PARD3B: variants seen among roughly 807,000 people sequenced by gnomAD.
The protein encoded by PARD3B is partitioning defective 3 homolog B.
A neutral mutation model predicts 130.2 loss-of-function variants in PARD3B; 103 were observed. The observed-to-expected ratio is 0.79, with a 90% CI of 0.67 to 0.93. The LOEUF (loss-of-function observed/expected upper bound fraction) is 0.93, where lower values mean the gene tolerates loss of function less well. Ranked by LOEUF, PARD3B falls within the 40% of genes least tolerant of loss-of-function variation. PARD3B has a pLI of 0.00. For synonymous variants in PARD3B, 583 were observed against 553.2 expected (o/e 1.05, Z -0.76); for missense variants, 1,609 against 1,499.2 (o/e 1.07, Z -1.21).
At chr2:205,081,685 G>A (rs1701417020) in intron 4 of PARD3B, among the ~76,000 whole-genome samples, 1 of 151,990 alleles carries the variant, frequency 6.6e-6, no homozygotes, top group Non-Finnish European at 1.5e-5. Context: ...AACTACATTA[G>A]TGAATTTTTG....
At chr2:204,914,665 C>T (rs929100088) in intron 2 of PARD3B, among the ~76,000 whole-genome samples, 3 of 152,110 alleles carry the variant, frequency 2.0e-5, no homozygotes. Flanking sequence ...GCCCTCAATC[C>T]AGCCTGAAGA....
At chr2:205,613,620 G>A (rs2105800162) in intron 22 of PARD3B, among the ~76,000 whole-genome samples, 1 of 152,282 alleles carries the variant, frequency 6.6e-6, no homozygotes, top group East Asian at 1.9e-4. Flanking sequence ...AATAATAGCA[G>A]CTGATGCTAT....
rs935574882 is a variant in PARD3B at position 205,446,525 on chromosome 2, TAGGAACAGATCGTGTGTATG to T, written c.3044+5854_3044+5873del. Among the ~76,000 whole-genome samples, 1 of 152,144 alleles carries T rather than the reference TAGGAACAGATCGTGTGTATG, an allele frequency of 6.6e-6. No homozygotes were observed. Among genetic ancestry groups the T allele is most frequent in the African/African-American group, 2.4e-5 (1 of 41,430 alleles). On this transcript the variant is annotated intron_variant, in intron 20 of 22. Transcript: ENST00000406610. The surrounding 1 kb of genome is among the most constrained non-coding windows in gnomAD (Gnocchi z 4.4). The stretch of plus-strand genomic sequence containing the variant: ...TATTTGTCCATATATCTCTGTCACA[TAGGAACAGATCGTGTGTATG>T]TGGTCCATAGTAGCTTTCTAATAGA...
At chr2:205,137,724 G>A (rs2032606100) in intron 10 of PARD3B, among the ~76,000 whole-genome samples, 1 of 152,190 alleles carries the variant, frequency 6.6e-6, no homozygotes, top group Non-Finnish European at 1.5e-5. Flanking sequence ...CCTTACACGT[G>A]TCTGTCAGTT....
chr2:204,563,249 CTCTCTCTCTCTCTCTCTT>C (rs2031452743), intron 1 of PARD3B, among the ~76,000 whole-genome samples: 1 of 148,468 alleles, frequency 6.7e-6, no homozygotes, highest in Middle Eastern at 3.4e-3. Flanking sequence ...CTCTCTCTCT[CTCTCTCTCTCTCTCTCTT>C]TCTCTCTTCT....
At chr2:205,611,164 C>G (rs1261020085) in intron 22 of PARD3B, among the ~76,000 whole-genome samples, 1 of 152,136 alleles carries the variant, frequency 6.6e-6, no homozygotes, top group Non-Finnish European at 1.5e-5. Flanking sequence ...ATTTTCTTTG[C>G]AATTGAGGGT....
rs1380277012 is a variant in PARD3B, at chr2:205,258,482, C to T, written c.2185+12660C>T. Among the ~76,000 whole-genome samples the T allele has an allele frequency of 6.6e-6, 1 of 152,136 alleles. No homozygotes were observed. Among genetic ancestry groups the T allele is most frequent in the Non-Finnish European group, 1.5e-5 (1 of 68,022 alleles). On this transcript the variant is annotated intron_variant, in intron 16 of 22. Transcript: ENST00000406610. The surrounding 1 kb of genome is among the most constrained non-coding windows in gnomAD (Gnocchi z 4.9). ...GTTTCTCTCACCTTACTGTTTACCT[C>T]CTTATAGAGCTAATCACAGTCTGTA...
At chr2:205,044,216 T>C (rs1437215352) in intron 3 of PARD3B, among the ~76,000 whole-genome samples, 26 of 151,004 alleles carry the variant, frequency 1.7e-4, no homozygotes, top group African/African-American at 6.3e-4. Context: ...TGTTGGACAT[T>C]TGGGTTGGTT....
chr2:205,555,745 T>C (rs554017004), intron 22 of PARD3B, among the ~76,000 whole-genome samples: 11 of 152,346 alleles, frequency 7.2e-5, no homozygotes, highest in Non-Finnish European at 1.3e-4. Context: ...CCTTTGCAGC[T>C]ACCTGGCAAC....
intron 19 of PARD3B, among the ~76,000 whole-genome samples, chr2:205,409,791 C>T (rs75792227): frequency 0.012 from 1,877 of 152,080 alleles, 34 homozygotes; most frequent in Non-Finnish European, 0.015. Flanking sequence ...ATTACTTTAT[C>T]GTATGTAGTT....
chr2:205,404,134 A>G (rs2046343244), intron 19 of PARD3B, among the ~76,000 whole-genome samples: 2 of 152,214 alleles, frequency 1.3e-5, no homozygotes, highest in South Asian at 4.1e-4. Flanking sequence ...TTTTTTATGC[A>G]TATACAGTTG....
At chr2:205,552,347 T>C (rs1291726022) in intron 21 of PARD3B, among the ~76,000 whole-genome samples, 1 of 152,122 alleles carries the variant, frequency 6.6e-6, no homozygotes. Context: ...AGACAGTTGA[T>C]TGTCAGCAAC....
chr2:204,837,958 G>A (rs1207400549), intron 2 of PARD3B, among the ~76,000 whole-genome samples: 1 of 152,116 alleles, frequency 6.6e-6, no homozygotes, highest in Non-Finnish European at 1.5e-5. Context: ...ACTATCTGGA[G>A]CACTGTGCCC....
chr2:204,646,845 C>T (rs537847579), intron 1 of PARD3B, among the ~76,000 whole-genome samples: 44 of 152,084 alleles, frequency 2.9e-4, no homozygotes, highest in African/African-American at 1.0e-3. Flanking sequence ...GTAAACAATG[C>T]ATTTAATACA....
chr2:204,596,962 C>CTATATA (rs1410872297), intron 1 of PARD3B, among the ~76,000 whole-genome samples: 62 of 146,274 alleles, frequency 4.2e-4, no homozygotes, highest in African/African-American at 1.4e-3. Context: ...CTCTCTCTCT[C>CTATATA]TATATATATA....
chr2:205,036,901 CAT>C (rs1240556323), intron 3 of PARD3B, among the ~76,000 whole-genome samples: 7 of 149,350 alleles, frequency 4.7e-5, no homozygotes, highest in South Asian at 4.2e-4. Flanking sequence ...ATATAAAGAA[CAT>C]ATATAGCGGA....
At chr2:204,553,574 G>A (rs2030635111) in intron 1 of PARD3B, among the ~76,000 whole-genome samples, 1 of 118,912 alleles carries the variant, frequency 8.4e-6, no homozygotes, top group African/African-American at 3.3e-5. Flanking sequence ...ATATATATAT[G>A]TATATATAAG....
chr2:204,651,466 C>T (rs146884782), intron 1 of PARD3B, among the ~76,000 whole-genome samples: 1 of 152,364 alleles, frequency 6.6e-6, no homozygotes, highest in African/African-American at 2.4e-5. Flanking sequence ...CACACTGGTG[C>T]AAGAGGTGAG....
At chr2:204,885,250 C>A (rs2046230411) in intron 2 of PARD3B, among the ~76,000 whole-genome samples, 1 of 152,084 alleles carries the variant, frequency 6.6e-6, no homozygotes, top group Admixed American at 6.5e-5. Context: ...CTTTTTTCAT[C>A]TATTTGTTGG....
Sources: allele counts gnomAD v4.1 joint callset (sites outside exome capture counted in the v4.1 genomes callset), GRCh38; gene constraint gnomAD v4.1.1; non-coding constraint Gnocchi (gnomAD v3.1); transcripts MANE v1.5; gene names NCBI Gene and HGNC (gene_info 2026-07-23, HGNC 2026-07-21).